EXT1: variants seen among roughly 807,000 people sequenced by gnomAD.
EXT1 encodes exostosin glycosyltransferase 1.
EXT1 carries 20 observed loss-of-function variants against 82.5 expected under a neutral mutation model. The ratio of observed to expected loss-of-function variants is 0.24; its 90% CI spans 0.17 to 0.35. The LOEUF (loss-of-function observed/expected upper bound fraction) is 0.35, where lower values mean the gene tolerates loss of function less well. EXT1 is among the 10% of genes least tolerant of loss of function. EXT1 has a pLI of 1.00. For missense variants in EXT1, 757 were observed against 936.5 expected (o/e 0.81, Z 2.50); for synonymous variants, 348 against 350.8 (o/e 0.99, Z 0.09).
chr8:117,863,847 G>C (rs17503768), intron 1 of EXT1, among the ~76,000 whole-genome samples: 29 of 152,244 alleles, frequency 1.9e-4, no homozygotes, highest in African/African-American at 5.8e-4. Flanking sequence ...GAGCCCAGAG[G>C]TATTTTATAT....
chr8:117,937,376 T>G (rs913257363), intron 1 of EXT1, among the ~76,000 whole-genome samples: 3 of 152,220 alleles, frequency 2.0e-5, no homozygotes, highest in Non-Finnish European at 4.4e-5. Context: ...CTTCCTAAAC[T>G]AATCAAATCA....
intron 1 of EXT1, among the ~76,000 whole-genome samples, chr8:117,850,378 A>G (rs1812432843): frequency 6.6e-6 from 1 of 152,240 alleles, no homozygotes; most frequent in South Asian, 2.1e-4. Context: ...GATTAAGGCT[A>G]AGCAAAATTT....
intron 1 of EXT1, among the ~76,000 whole-genome samples, chr8:118,073,249 C>T (rs528217509): frequency 1.1e-4 from 16 of 152,270 alleles, no homozygotes; most frequent in South Asian, 2.1e-4. Flanking sequence ...CATACGCTAA[C>T]TAATTTTAGG....
At chr8:117,911,569 G>C (rs1273587967) in intron 1 of EXT1, among the ~76,000 whole-genome samples, 3 of 152,176 alleles carry the variant, frequency 2.0e-5, no homozygotes, top group Non-Finnish European at 4.4e-5. Context: ...CAAGAGCTAA[G>C]GGCAAATGGG....
chr8:118,108,611 G>C (rs1227606949), intron 1 of EXT1, among the ~76,000 whole-genome samples: 2 of 152,192 alleles, frequency 1.3e-5, no homozygotes, highest in Non-Finnish European at 2.9e-5. Flanking sequence ...TTAGTCTCCG[G>C]CTTTTCTTAT....
chr8:118,020,036 C>A (rs1036549353), intron 1 of EXT1, among the ~76,000 whole-genome samples: 1 of 152,180 alleles, frequency 6.6e-6, no homozygotes, highest in Non-Finnish European at 1.5e-5. Context: ...CTTCTTCCAT[C>A]TTTACTGATT....
chr8:117,905,481 T>G (rs981606672), intron 1 of EXT1, among the ~76,000 whole-genome samples: 1 of 152,066 alleles, frequency 6.6e-6, no homozygotes, highest in Admixed American at 6.5e-5. Flanking sequence ...ATCGTACCAC[T>G]GCACTCCAGC....
intron 1 of EXT1, among the ~76,000 whole-genome samples, chr8:117,867,750 G>A (rs10093528): frequency 0.035 from 5,329 of 152,170 alleles, 327 homozygotes; most frequent in African/African-American, 0.12. Flanking sequence ...GCAGTTCGGA[G>A]GCTGTTTGTT....
intron 1 of EXT1, among the ~76,000 whole-genome samples, chr8:117,865,978 A>C (rs897897140): frequency 6.6e-5 from 10 of 152,326 alleles, no homozygotes; most frequent in African/African-American, 2.4e-4. Flanking sequence ...TAATCTCAGT[A>C]CTTTGGGAGG....
chr8:117,834,706 A>G (rs17430245), intron 3 of EXT1, among the ~76,000 whole-genome samples: 35,095 of 152,102 alleles, frequency 0.23, 4,629 homozygotes, highest in Middle Eastern at 0.38. Context: ...AAAATTCTAC[A>G]AATATTTGTG....
At chr8:117,988,754 C>A (rs111460321) in intron 1 of EXT1, among the ~76,000 whole-genome samples, 21 of 152,246 alleles carry the variant, frequency 1.4e-4, no homozygotes, top group Non-Finnish European at 2.6e-4. Flanking sequence ...AGGCAATGGA[C>A]GCAACCGCTG....
chr8:117,844,198 G>C (rs1007517074), intron 1 of EXT1, among the ~76,000 whole-genome samples: 2 of 143,844 alleles, frequency 1.4e-5, no homozygotes, highest in African/African-American at 5.2e-5. Flanking sequence ...TGTCACCCAG[G>C]CTGCAGTGCA....
At chr8:117,957,348 T>C (rs753526742) in intron 1 of EXT1, among the ~76,000 whole-genome samples, 31 of 152,222 alleles carry the variant, frequency 2.0e-4, no homozygotes, top group Admixed American at 1.4e-3. Context: ...GAAACAGTGC[T>C]ACTAAATTAA....
At chr8:118,108,048 T>C (rs17477497) in intron 1 of EXT1, among the ~76,000 whole-genome samples, 3,724 of 152,314 alleles carry the variant, frequency 0.024, 150 homozygotes, top group African/African-American at 0.076. Flanking sequence ...GGGTGTCATA[T>C]TTCTTGGCCC....
At chr8:117,941,496 G>A (rs773092067) in intron 1 of EXT1, among the ~76,000 whole-genome samples, 1 of 152,154 alleles carries the variant, frequency 6.6e-6, no homozygotes, top group Non-Finnish European at 1.5e-5. Context: ...CTGGAAAAAG[G>A]GTAAATTCAA....
chr8:118,010,556 T>G (rs1177792996), intron 1 of EXT1, among the ~76,000 whole-genome samples: 1 of 152,098 alleles, frequency 6.6e-6, no homozygotes, highest in Non-Finnish European at 1.5e-5. Flanking sequence ...CTTGAATGTG[T>G]TACGCTGACC....
rs905755148 is a variant in EXT1 at position 117,794,594 on chromosome 8, G to C, written c.*5118C>G. ...TCTATAAAACAATCTATCTTGGATG[G>C]CGAAACCCAGACATAAAGTTACACA... is the stretch of plus-strand genomic sequence containing the variant. On this transcript the variant is annotated 3_prime_UTR_variant, in exon 11 of 11. Transcript: ENST00000378204. The C allele has an allele frequency of 6.6e-6, 1 of 152,020 alleles. No homozygotes were observed. Among genetic ancestry groups the C allele is most frequent in the African/African-American group, 2.4e-5 (1 of 41,388 alleles). 9.4% of individuals were successfully genotyped at this position (152,020 alleles called of 1,614,324 possible). A position where few individuals can be genotyped will look rare whatever the true frequency, so the allele number is the denominator to read the frequency against.
intron 1 of EXT1, among the ~76,000 whole-genome samples, chr8:117,961,573 T>C (rs927532981): frequency 6.6e-6 from 1 of 152,218 alleles, no homozygotes; most frequent in African/African-American, 2.4e-5. Flanking sequence ...AAACAGCTTT[T>C]AAAATAAGCT....
chr8:118,060,421 T>TC (rs1816864231), intron 1 of EXT1, among the ~76,000 whole-genome samples: 2 of 152,268 alleles, frequency 1.3e-5, no homozygotes, highest in African/African-American at 4.8e-5. Context: ...GAAGGTCTAG[T>TC]CCCCTGGCCC....
Sources: gnomAD v4.1 joint callset for allele counts (sites outside exome capture counted in the v4.1 genomes callset) on GRCh38, gnomAD v4.1.1 for gene constraint, MANE v1.5 for transcripts, NCBI Gene and HGNC (gene_info 2026-07-23, HGNC 2026-07-21) for gene names.